The following CHIC1 variants were observed in gnomAD, a reference collection of about 807,000 sequenced individuals.
CHIC1 encodes cysteine rich hydrophobic domain 1, also known as cysteine-rich hydrophobic domain-containing protein 1.
CHIC1 carries 7 observed loss-of-function variants against 18.5 expected under a neutral mutation model. The observed-to-expected ratio is 0.38, with a 90% CI of 0.22 to 0.71. The LOEUF is 0.71. Among genes scored for constraint, CHIC1 ranks in the 30% least tolerant of loss-of-function variants. The probability of loss-of-function intolerance (pLI) is 0.49; values close to 1 mark genes in which losing one functional copy is unlikely to be tolerated. For synonymous variants in CHIC1, 77 were observed against 73.5 expected, an observed-to-expected ratio of 1.05 and a Z score of -0.25; for missense variants, 159 against 176.9, an observed-to-expected ratio of 0.90 and a Z score of 0.57.
chrX:73,639,303 G>C (rs746411718), intron 3 of CHIC1, among the ~76,000 whole-genome samples: 45 of 111,254 alleles, frequency 4.0e-4, no homozygotes, highest in Non-Finnish European at 7.4e-4. Context: ...TGTGTTGCTT[G>C]GCCACGTTTA....
chrX:73,614,100 T>C (rs985591026), intron 3 of CHIC1, among the ~76,000 whole-genome samples: 4 of 111,624 alleles, frequency 3.6e-5, no homozygotes, highest in Non-Finnish European at 7.5e-5. Context: ...GAAAAGACTT[T>C]TATTTCTTCT....
Position 73,563,369 on chromosome X carries a change from T to C in CHIC1, c.85T>C (p.Ser29Pro). 1 of 1,155,767 alleles carries C rather than the reference T, an allele frequency of 8.7e-7. No homozygotes were observed. The highest frequency in any genetic ancestry group is 1.8e-5 in the African/African-American group (1 of 55,144). Residue 29 changes from serine (S) to proline (P), a missense_variant, in exon 1 of 6, where the codon TCG becomes CCG. By Grantham distance (74) the Ser-to-Pro change is moderately conservative. Coordinates refer to ENST00000373502, the MANE Select transcript of CHIC1 (RefSeq NM_001039840.4). ...GGAGGAAGAAGAAGCGGCAACGTCGTCGTCGTCGCCGTCGTCGTCGTCGTC... is the reference window on the plus strand; with the variant it reads ...GGAGGAAGAAGAAGCGGCAACGTCGCCGTCGTCGCCGTCGTCGTCGTCGTC... Reference protein sequence around the residue: ...EEEEEEAATSSSSPSSSSSVS... With the variant: ...EEEEEEAATSPSSPSSSSSVS...
chrX:73,678,745 T>G (rs1022877651), intron 3 of CHIC1, among the ~76,000 whole-genome samples: 1 of 112,654 alleles, frequency 8.9e-6, no homozygotes, highest in African/African-American at 3.2e-5. Flanking sequence ...CTCTGATTTA[T>G]ATTTTTCTAA....
intron 3 of CHIC1, among the ~76,000 whole-genome samples, chrX:73,671,760 C>CT (rs1311587555): frequency 3.5e-4 from 35 of 100,441 alleles, no homozygotes; most frequent in Non-Finnish European, 5.3e-4. Flanking sequence ...TGTGCTTGTT[C>CT]TTTTTTTTTT....
chrX:73,619,020 C>T (rs777447556), intron 3 of CHIC1, among the ~76,000 whole-genome samples: 23 of 111,795 alleles, frequency 2.1e-4, no homozygotes, highest in African/African-American at 6.5e-4. Context: ...TCTCTAAAAC[C>T]GTCTCAGTTC....
Position 73,681,335 on chromosome X carries a change from A to G in CHIC1, c.*330A>G, listed in dbSNP as rs182236439. On this transcript the variant is annotated 3_prime_UTR_variant, in exon 6 of 6. Coordinates refer to ENST00000373502, the MANE Select transcript of CHIC1 (RefSeq NM_001039840.4). ...CTGAGCATGCTGCCTTATAATTTTC[A>G]TACTCATTGTTTCTAAACTCGCATC... 1.7e-3 allele frequency: 266 copies of G among 156,782 alleles called. 1 individual carries two copies. The highest frequency in any genetic ancestry group is 7.0e-3 in the African/African-American group (227 of 32,382). The allele number at this position is 156,782 out of a possible 1,213,427, so 12.9% of individuals were successfully genotyped here. A position where few individuals can be genotyped will look rare whatever the true frequency, so the allele number is the denominator to read the frequency against.
rs141772541 is a variant in CHIC1, at chrX:73,594,253, G to A, written c.507+9681G>A. 1.1e-3 allele frequency among the ~76,000 whole-genome samples: 127 copies of A among 110,555 alleles called. 2 individuals are homozygous for A. In the East Asian group the frequency reaches 0.033, roughly 29 times the overall value. On this transcript the variant is annotated intron_variant, in intron 3 of 5. Coordinates refer to ENST00000373502, the MANE Select transcript of CHIC1 (RefSeq NM_001039840.4). ...AGGCATGATCTCAGCTCACTGCAATGTCTGCCTCCTGGGTTCAAGCAATTC... is the reference window on the plus strand; with the variant it reads ...AGGCATGATCTCAGCTCACTGCAATATCTGCCTCCTGGGTTCAAGCAATTC...
intron 3 of CHIC1, among the ~76,000 whole-genome samples, chrX:73,592,023 T>C (rs183586485): frequency 2.5e-4 from 28 of 111,601 alleles, no homozygotes; most frequent in Non-Finnish European, 1.7e-4. Context: ...ATTTTTTCAA[T>C]AATCACAAAA....
chrX:73,674,506 CT>C (rs1355952865), intron 3 of CHIC1, among the ~76,000 whole-genome samples: 1 of 112,075 alleles, frequency 8.9e-6, no homozygotes, highest in Non-Finnish European at 1.9e-5. Context: ...TCTAGATTTT[CT>C]AGTTTATTTG....
At chrX:73,631,648 G>T (rs1184737273) in intron 3 of CHIC1, among the ~76,000 whole-genome samples, 1 of 110,765 alleles carries the variant, frequency 9.0e-6, no homozygotes, top group Non-Finnish European at 1.9e-5. Flanking sequence ...AAAGTTATTT[G>T]ATATCTTTTT....
At chrX:73,670,033 C>T (rs1282194887) in intron 3 of CHIC1, among the ~76,000 whole-genome samples, 3 of 111,762 alleles carry the variant, frequency 2.7e-5, no homozygotes, top group Non-Finnish European at 5.6e-5. Flanking sequence ...AGCTCTGTGT[C>T]GGACCCAAGA....
intron 3 of CHIC1, among the ~76,000 whole-genome samples, chrX:73,649,835 CA>C (rs766590717): frequency 9.1e-4 from 102 of 112,101 alleles, no homozygotes; most frequent in African/African-American, 3.2e-3. Context: ...CTGGACCAAG[CA>C]GAACTAATAG....
intron 3 of CHIC1, among the ~76,000 whole-genome samples, chrX:73,606,840 C>T (rs773582872): frequency 4.6e-5 from 5 of 109,003 alleles, no homozygotes; most frequent in Non-Finnish European, 9.4e-5. Flanking sequence ...GCTGCCTGCT[C>T]CTTCCTCTGT....
chrX:73,577,350 A>G (rs1365206571), intron 1 of CHIC1, 57 bp from the exon 2 acceptor site: 3 of 927,906 alleles, frequency 3.2e-6, no homozygotes, highest in Non-Finnish European at 4.5e-6. Context: ...TTTTAAAAAA[A>G]AGGGAAGATT....
intron 3 of CHIC1, among the ~76,000 whole-genome samples, chrX:73,628,288 C>G (rs1320197318): frequency 8.9e-6 from 1 of 111,767 alleles, no homozygotes; most frequent in Non-Finnish European, 1.9e-5. Context: ...CTTGACCGCT[C>G]CAGCTGGCGT....
chrX:73,578,105 C>T (rs1176250149), intron 2 of CHIC1, among the ~76,000 whole-genome samples: 1 of 110,000 alleles, frequency 9.1e-6, no homozygotes, highest in African/African-American at 3.3e-5. Context: ...CAGGTGTTAT[C>T]ACAAAATAAC....
At chrX:73,658,253 T>TG (rs1428240012) in intron 3 of CHIC1, among the ~76,000 whole-genome samples, 8 of 81,441 alleles carry the variant, frequency 9.8e-5, no homozygotes, top group Non-Finnish European at 4.7e-5. Flanking sequence ...CCTAGGTTTT[T>TG]TTTTTTTTTT....
intron 3 of CHIC1, among the ~76,000 whole-genome samples, chrX:73,608,504 A>T (rs2057693130): frequency 9.2e-6 from 1 of 108,526 alleles, no homozygotes; most frequent in Admixed American, 9.7e-5. Context: ...TGTCATCTTA[A>T]CAATATGAAG....
intron 3 of CHIC1, among the ~76,000 whole-genome samples, chrX:73,668,335 A>G (rs1569505400): frequency 8.9e-6 from 1 of 111,763 alleles, no homozygotes; most frequent in Admixed American, 9.5e-5. Flanking sequence ...TTTCATTATT[A>G]CCCACCTTCT....
Sources: allele counts gnomAD v4.1 joint callset (sites outside exome capture counted in the v4.1 genomes callset), GRCh38; gene constraint gnomAD v4.1.1; transcripts MANE v1.5; gene names NCBI Gene and HGNC (gene_info 2026-07-23, HGNC 2026-07-21).